SOX30: variants seen among roughly 807,000 people sequenced by gnomAD.
SOX30 encodes the protein SRY-box transcription factor 30.
In SOX30, 17 loss-of-function variants were observed where a neutral mutation model predicts 58.6. The ratio of observed to expected loss-of-function variants is 0.29; its 90% CI spans 0.20 to 0.44. The LOEUF (loss-of-function observed/expected upper bound fraction) is 0.44. SOX30 is among the 20% of genes least tolerant of loss of function. SOX30 has a pLI of 1.00. For missense variants in SOX30, 951 were observed against 965.8 expected, an observed-to-expected ratio of 0.98 and a Z score of 0.20; for synonymous variants, 421 against 400.2, an observed-to-expected ratio of 1.05 and a Z score of -0.62.
rs565834542 is a variant in SOX30, at chr5:157,638,439, A to C, written c.1671T>G (p.Phe557Leu). 1.2e-6 allele frequency: 2 copies of C among 1,614,170 alleles called. No individual in the cohort carries two copies. Among genetic ancestry groups the C allele is most frequent in the African/African-American group, 2.7e-5 (2 of 75,058 alleles). The change falls in exon 4 of 5, where the codon TTT becomes TTG. Residue 557 changes from phenylalanine (F) to leucine (L), a missense_variant. Phe to Leu is a conservative substitution (Grantham distance 22). Around this residue, in one of 7 missense-constraint regions of SOX30, gnomAD observed 381 missense variants for 390.0 expected, o/e 0.98. Coordinates refer to ENST00000265007, the MANE Select transcript of SOX30 (RefSeq NM_178424.2). ...TAGGAGGTTGGATGGTCGAAGTTGC[A>C]AATCTGGCATGGGCAGTACTTGCAC... ...SSSASTAHAR[F>L]ATSTIQPPRE...
chr5:157,634,300 A>C (rs908346865), intron 4 of SOX30, among the ~76,000 whole-genome samples: 4 of 151,852 alleles, frequency 2.6e-5, no homozygotes, highest in African/African-American at 9.7e-5. Flanking sequence ...TGCAGCCTTC[A>C]CCTCCCAGGC....
intron 4 of SOX30, among the ~76,000 whole-genome samples, chr5:157,633,374 GA>G (rs1306420455): frequency 2.0e-5 from 3 of 152,156 alleles, no homozygotes; most frequent in African/African-American, 7.2e-5. Flanking sequence ...AACTATTTCT[GA>G]ATCTGAAAAT....
At chr5:157,649,019 A>C in intron 1 of SOX30, 123 bp from the exon 2 acceptor site, 1 of 1,298,840 alleles carries the variant, frequency 7.7e-7, no homozygotes, top group Non-Finnish European at 1.0e-6. Context: ...TATACACTTC[A>C]ATATAACCAA....
chr5:157,667,240 G>A lies in SOX30; in HGVS notation c.52+558C>T, dbSNP rs150416972. 3.6e-3 allele frequency among the ~76,000 whole-genome samples: 554 copies of A among 152,302 alleles called. 2 individuals are homozygous for A. The highest frequency in any genetic ancestry group is 0.021 in the South Asian group (102 of 4,826). On this transcript the variant is annotated intron_variant, in intron 2 of 5. Coordinates refer to the SOX30 transcript ENST00000519442. The stretch of plus-strand genomic sequence containing the variant: ...AAAGAGATGAGCTCAGCTTGTCACT[G>A]GAAAATCTCTGTGGAGTATTCATTG...
At chr5:157,669,598 C>A (rs1475377759) in intron 1 of SOX30, among the ~76,000 whole-genome samples, 2 of 151,762 alleles carry the variant, frequency 1.3e-5, no homozygotes, top group Non-Finnish European at 2.9e-5. Flanking sequence ...CTCACTGCAA[C>A]CTCCGCCTCC....
chr5:157,650,569 A>G (rs916373818), intron 1 of SOX30, among the ~76,000 whole-genome samples: 1 of 152,334 alleles, frequency 6.6e-6, no homozygotes, highest in Non-Finnish European at 1.5e-5. Context: ...CAATATTTCT[A>G]TAAGTCATTA....
Position 157,651,642 on chromosome 5 carries a change from A to G in SOX30, c.437T>C (p.Leu146Pro). 1 of 1,612,386 alleles carries G rather than the reference A, an allele frequency of 6.2e-7. No individual in the cohort carries two copies. The highest frequency in any genetic ancestry group is 8.5e-7 in the Non-Finnish European group (1 of 1,179,750). The change falls in exon 1 of 5, where the codon CTG becomes CCG. Residue 146 changes from leucine to proline, a missense_variant. By Grantham distance (98) the Leu-to-Pro change is moderately conservative. Around this residue, in one of 7 missense-constraint regions of SOX30, gnomAD observed 363 missense variants for 294.5 expected, o/e 1.23. Coordinates refer to ENST00000265007, the MANE Select transcript of SOX30 (RefSeq NM_178424.2). ...CCCTCGAGGCCCCACTGACTGATCC[A>G]GGCTGGGCCCCAGCTTCTGCTTCTT... ...KAKKQKLGPS[L>P]DQSVGPRGAV...
At chr5:157,653,527 G>T (rs1759412383), upstream of SOX30, among the ~76,000 whole-genome samples, 1 of 152,006 alleles carries the variant, frequency 6.6e-6, no homozygotes, top group Non-Finnish European at 1.5e-5. Context: ...CTGTGTTAAG[G>T]GCTTACTCTT....
chr5:157,639,973 T>C (rs1006948917), intron 3 of SOX30, among the ~76,000 whole-genome samples: 18 of 152,110 alleles, frequency 1.2e-4, no homozygotes, highest in African/African-American at 1.9e-4. Context: ...CCCAGTGAAG[T>C]AGAGAAACAG....
intron 4 of SOX30, among the ~76,000 whole-genome samples, chr5:157,629,518 A>G (rs1042135940): frequency 2.0e-5 from 3 of 152,248 alleles, no homozygotes; most frequent in Non-Finnish European, 2.9e-5. Flanking sequence ...TTATATTCAG[A>G]GAACAAAAAG....
rs114802117 is a variant in SOX30, at chr5:157,669,431, C to T, written c.-3-1579G>A. 4.0e-3 allele frequency among the ~76,000 whole-genome samples: 602 copies of T among 152,252 alleles called. 5 individuals carry two copies. Among genetic ancestry groups the T allele is most frequent in the African/African-American group, 0.014 (564 of 41,538 alleles). On this transcript the variant is annotated intron_variant, in intron 1 of 5. Coordinates refer to the SOX30 transcript ENST00000519442. ...AACTCCTGACCTCTAGTGATCTGCT[C>T]TCCCCGATCTCCCAAAGAGTTGGGA... is the stretch of plus-strand genomic sequence containing the variant.
intron 1 of SOX30, among the ~76,000 whole-genome samples, chr5:157,670,331 G>C (rs1759753887): frequency 6.6e-6 from 1 of 152,146 alleles, no homozygotes; most frequent in African/African-American, 2.4e-5. Flanking sequence ...GTCTAGTGGG[G>C]GAAACAGACA....
chr5:157,628,631 T>A (rs1758718378), intron 4 of SOX30, among the ~76,000 whole-genome samples: 1 of 150,876 alleles, frequency 6.6e-6, no homozygotes, highest in African/African-American at 2.5e-5. Flanking sequence ...ATGTCCTGAA[T>A]ACACTGTGCT....
In SOX30 at chr5:157,667,981, C is replaced by T. The variant is rs1160979149; in HGVS notation, c.-3-129G>A. The T allele has an allele frequency of 2.9e-6, 3 of 1,033,196 alleles. No homozygotes were observed. The South Asian group carries it at 4.8e-5, about 16-fold the overall frequency. The allele number at this position is 1,033,196 out of a possible 1,614,324, so 64.0% of individuals were successfully genotyped here. A position where few individuals can be genotyped will look rare whatever the true frequency, so the allele number is the denominator to read the frequency against. On this transcript the variant is annotated intron_variant, in intron 1 of 5. Coordinates refer to the SOX30 transcript ENST00000519442. The stretch of plus-strand genomic sequence containing the variant: ...CACGCCTATCTTACAGGCAAGAAAA[C>T]CAAGGCACAGAGAGGTGGAGGAACT...
intron 2 of SOX30, among the ~76,000 whole-genome samples, chr5:157,663,635 T>C (rs544752618): frequency 6.6e-6 from 1 of 152,184 alleles, no homozygotes; most frequent in Admixed American, 6.5e-5. Flanking sequence ...ATAAAGGGTA[T>C]TCAATTAGGA....
intron 4 of SOX30, among the ~76,000 whole-genome samples, chr5:157,630,975 TTTTATATATATACTATATA>T (rs1561578379): frequency 7.4e-6 from 1 of 135,572 alleles, no homozygotes; most frequent in East Asian, 2.0e-4. Context: ...CACTATATAT[TTTTATATATATACTATATA>T]TATTTTTTAT....
intron 2 of SOX30, among the ~76,000 whole-genome samples, chr5:157,663,951 G>C (rs138801397): frequency 0.025 from 3,805 of 151,804 alleles, 67 homozygotes; most frequent in Middle Eastern, 0.065. Flanking sequence ...AATAAAAGAG[G>C]ACAAAAAAAA....
intron 1 of SOX30, chr5:157,667,937 A>C: frequency 7.2e-7 from 1 of 1,398,444 alleles, no homozygotes; most frequent in Non-Finnish European, 9.7e-7. Flanking sequence ...CATTCCCCAC[A>C]ACAACACTTG....
intron 2 of SOX30, among the ~76,000 whole-genome samples, chr5:157,660,140 G>A (rs1759552198): frequency 6.6e-6 from 1 of 152,226 alleles, no homozygotes; most frequent in East Asian, 1.9e-4. Flanking sequence ...AAATGCCCTA[G>A]CCTGGTGCAG....
Sources: allele counts gnomAD v4.1 joint callset (sites outside exome capture counted in the v4.1 genomes callset), GRCh38; gene constraint gnomAD v4.1.1; regional missense constraint gnomAD v4.1.1; transcripts MANE v1.5; gene names NCBI Gene and HGNC (gene_info 2026-07-23, HGNC 2026-07-21).